GLYATL3: variants seen among roughly 807,000 people sequenced by gnomAD.
The protein encoded by GLYATL3 is glycine-N-acyltransferase like 3, also known as glycine N-acyltransferase-like protein 3.
Under a neutral mutation model 28.5 loss-of-function variants are expected in GLYATL3, and 31 were observed. That is an observed-to-expected ratio of 1.09 (90% CI 0.82 to 1.47). The LOEUF (loss-of-function observed/expected upper bound fraction) is 1.47, where lower values mean the gene tolerates loss of function less well. Ranked by LOEUF, GLYATL3 falls within the 40% of genes most tolerant of loss-of-function variation. The pLI, the probability that GLYATL3 is intolerant of heterozygous loss-of-function variation, is 0.00. For missense variants in GLYATL3, 369 were observed against 351.5 expected (o/e 1.05, Z -0.40); for synonymous variants, 141 against 140.2 (o/e 1.01, Z -0.04).
chr6:49,523,523 T>G lies in GLYATL3; in HGVS notation c.440+1752T>G, dbSNP rs144640321. 4.0e-3 allele frequency among the ~76,000 whole-genome samples: 608 copies of G among 152,314 alleles called. 4 individuals are homozygous for G. The highest frequency in any genetic ancestry group is 0.014 in the African/African-American group (588 of 41,562). On this transcript the variant is annotated intron_variant, in intron 5 of 5. Coordinates refer to ENST00000371197, the MANE Select transcript of GLYATL3 (RefSeq NM_001010904.2). ...CAACTTAATCACAGTGAGCCATTTA[T>G]GTGAGTCCTGGAAATGGTAGCCCCC...
chr6:49,514,489 A>G (rs1425357461), intron 2 of GLYATL3, among the ~76,000 whole-genome samples: 1 of 152,210 alleles, frequency 6.6e-6, no homozygotes, highest in African/African-American at 2.4e-5. Context: ...ACAAGCATAC[A>G]TGTGACATAT....
intron 5 of GLYATL3, among the ~76,000 whole-genome samples, chr6:49,522,680 T>A (rs1769338456): frequency 6.6e-6 from 1 of 152,226 alleles, no homozygotes; most frequent in Admixed American, 6.5e-5. Flanking sequence ...TCAACGAATG[T>A]TAATTTTCTT....
chr6:49,518,329 G>A (rs1769252763), intron 4 of GLYATL3, among the ~76,000 whole-genome samples: 1 of 152,212 alleles, frequency 6.6e-6, no homozygotes. Context: ...TATGCCAGGA[G>A]AGAAGAAGAT....
chr6:49,517,436 A>G lies in GLYATL3; in HGVS notation c.193A>G (p.Thr65Ala). The G allele has an allele frequency of 2.6e-6, 4 of 1,540,976 alleles. No homozygotes were observed. The South Asian group carries it at 4.9e-5, about 19-fold the overall frequency. ...VITRRQREAE[T>A]DNLDHYTNAY... ...ATTATGTCTTCTGTCCTAGGCTGAG[A>G]CAGATAACCTTGATCATTATACTAA... Residue 65 changes from threonine (T) to alanine (A), a missense_variant, in exon 4 of 6, where the codon ACA becomes GCA. Thr to Ala is a moderately conservative substitution (Grantham distance 58, BLOSUM62 0). Transcript: ENST00000371197.
Position 49,515,674 on chromosome 6 carries a change from A to T in GLYATL3, c.100A>T (p.Ile34Leu). 1 of 1,550,348 alleles carries T rather than the reference A, an allele frequency of 6.5e-7. No individual in the cohort carries two copies. The change falls in exon 3 of 6, where the codon ATA (isoleucine) becomes TTA (leucine). Residue 34 changes from isoleucine to leucine, a missense_variant. Coordinates refer to ENST00000371197, the MANE Select transcript of GLYATL3 (RefSeq NM_001010904.2). Reference sequence around the variant, plus strand: ...TCAGGTTTACGGAGCGGTGATGAACATAAATCGTGGGAACCCCTTTCAAAA... The same window carrying T: ...TCAGGTTTACGGAGCGGTGATGAACTTAAATCGTGGGAACCCCTTTCAAAA... ...SLKVYGAVMN[I>L]NRGNPFQKEV...
At chr6:49,504,478 C>T (rs1188036787) in intron 1 of GLYATL3, among the ~76,000 whole-genome samples, 2 of 152,058 alleles carry the variant, frequency 1.3e-5, no homozygotes, top group African/African-American at 4.8e-5. Context: ...TACTTCCCTT[C>T]CTTGGTTTAC....
chr6:49,508,988 A>C (rs1769067016), intron 1 of GLYATL3, among the ~76,000 whole-genome samples: 1 of 126,244 alleles, frequency 7.9e-6, no homozygotes, highest in Admixed American at 7.7e-5. Context: ...AATAATAATA[A>C]TAATAAATTA....
chr6:49,517,363 A>G, intron 3 of GLYATL3, 67 bp from the exon 4 acceptor site: 1 of 1,369,698 alleles, frequency 7.3e-7, no homozygotes, highest in Non-Finnish European at 9.7e-7. Context: ...ACGGTATCTA[A>G]TCTACCTAAG....
At chr6:49,500,805 A>T (rs977683051) in intron 1 of GLYATL3, among the ~76,000 whole-genome samples, 1 of 152,198 alleles carries the variant, frequency 6.6e-6, no homozygotes, top group Admixed American at 6.5e-5. Flanking sequence ...TTCAGAGTTA[A>T]TCGTCATTAT....
intron 2 of GLYATL3, among the ~76,000 whole-genome samples, chr6:49,514,474 C>T (rs1769177241): frequency 6.6e-6 from 1 of 152,170 alleles, no homozygotes; most frequent in African/African-American, 2.4e-5. Context: ...CTTTGTCCAG[C>T]TTCTACAAGC....
chr6:49,504,654 G>T (rs1023121055), intron 1 of GLYATL3, among the ~76,000 whole-genome samples: 3 of 152,040 alleles, frequency 2.0e-5, no homozygotes, highest in African/African-American at 7.2e-5. Flanking sequence ...TTAAGGTTCT[G>T]TTACTTTTTT....
intron 3 of GLYATL3, among the ~76,000 whole-genome samples, chr6:49,517,111 A>G (rs1401609680): frequency 1.4e-5 from 2 of 145,872 alleles, no homozygotes; most frequent in East Asian, 2.4e-4. Flanking sequence ...CCCCAGTTCA[A>G]GTGATTCTCC....
At chr6:49,515,548 CCT>C (rs2127432747) in intron 2 of GLYATL3, 103 bp from the exon 3 acceptor site, 1 of 625,262 alleles carries the variant, frequency 1.6e-6, no homozygotes, top group Non-Finnish European at 2.9e-6. Flanking sequence ...TATAATTTCC[CCT>C]CTTGTGGACA....
At chr6:49,509,741 ATAAATTT>A (rs1298658637) in intron 1 of GLYATL3, among the ~76,000 whole-genome samples, 2 of 152,212 alleles carry the variant, frequency 1.3e-5, no homozygotes, top group African/African-American at 4.8e-5. Context: ...GGAATTACAA[ATAAATTT>A]TAGCAAGCAG....
chr6:49,504,700 T>C (rs1768979307), intron 1 of GLYATL3, among the ~76,000 whole-genome samples: 1 of 152,192 alleles, frequency 6.6e-6, no homozygotes, highest in African/African-American at 2.4e-5. Flanking sequence ...ATAAGGAATA[T>C]GAGTAATATG....
chr6:49,502,822 T>G (rs1407622617), intron 1 of GLYATL3, among the ~76,000 whole-genome samples: 1 of 152,162 alleles, frequency 6.6e-6, no homozygotes, highest in Non-Finnish European at 1.5e-5. Context: ...TTCTGTAGAA[T>G]ATTATTAATA....
chr6:49,512,014 C>T lies in GLYATL3; in HGVS notation c.24C>T (p.Thr8=). The T allele has an allele frequency of 4.0e-6, 6 of 1,503,082 alleles. No individual in the cohort carries two copies. Among genetic ancestry groups the T allele is most frequent in the Non-Finnish European group, 5.4e-6 (6 of 1,105,902 alleles). The allele number at this position is 1,503,082 out of a possible 1,614,324, so 93.1% of individuals were successfully genotyped here. A position where few individuals can be genotyped will look rare whatever the true frequency, so the allele number is the denominator to read the frequency against. ...AGATGTTGGTGCTAAACTGTTCTAC[C>T]AAATTACTGATACTGGAGAAAATGT... is the stretch of plus-strand genomic sequence containing the variant. MLVLNCS[T]KLLILEKMLK... The change falls in exon 2 of 6, where the codon ACC becomes ACT. Residue 8 remains threonine (T), a synonymous_variant. Transcript: ENST00000371197.
chr6:49,508,291 C>A (rs935151839), intron 1 of GLYATL3, among the ~76,000 whole-genome samples: 1 of 152,046 alleles, frequency 6.6e-6, no homozygotes. Flanking sequence ...GTGAGACTCC[C>A]TCTCAAACAA....
intron 1 of GLYATL3, among the ~76,000 whole-genome samples, chr6:49,501,402 A>G (rs1253223601): frequency 1.3e-5 from 2 of 152,212 alleles, no homozygotes; most frequent in Non-Finnish European, 2.9e-5. Context: ...CGGTGCCGCC[A>G]ATGCACTGAC....
Sources: gnomAD v4.1 joint callset for allele counts (sites outside exome capture counted in the v4.1 genomes callset) on GRCh38, gnomAD v4.1.1 for gene constraint, MANE v1.5 for transcripts, NCBI Gene and HGNC (gene_info 2026-07-23, HGNC 2026-07-21) for gene names.